The following BCORL1 variants were observed in gnomAD, a reference collection of about 807,000 sequenced individuals.
BCORL1 encodes BCL-6 corepressor-like protein 1.
BCORL1 carries 7 observed loss-of-function variants against 87.6 expected under a neutral mutation model. The observed-to-expected ratio is 0.08, with a 90% CI of 0.05 to 0.15. The LOEUF is 0.15. Ranked by LOEUF, BCORL1 falls within the 10% of genes least tolerant of loss-of-function variation. BCORL1 has a pLI of 1.00. For synonymous variants in BCORL1, 591 were observed against 634.4 expected (o/e 0.93, Z 1.03); for missense variants, 1,215 against 1,499.7 (o/e 0.81, Z 3.13).
intron 11 of BCORL1, among the ~76,000 whole-genome samples, chrX:130,043,746 TTATATATATATA>T (rs55637661): frequency 1.7e-4 from 3 of 17,481 alleles, no homozygotes; most frequent in East Asian, 2.1e-3. Context: ...AGCTAATTTG[TTATATATATATA>T]TATATATATA....
chrX:129,989,444 CTTTTTT>C (rs55654985), intron 1 of BCORL1, among the ~76,000 whole-genome samples: 2 of 17,774 alleles, frequency 1.1e-4, no homozygotes, highest in East Asian at 1.5e-3. Flanking sequence ...CCGCACCCGT[CTTTTTT>C]TTTTTTTTTT....
Position 130,014,269 on chromosome X carries a change from C to T in BCORL1, c.1497C>T (p.Leu499=). The change falls in exon 4 of 14, where the codon CTC becomes CTT. Residue 499 remains leucine, a synonymous_variant. Coordinates refer to ENST00000540052, the MANE Select transcript of BCORL1 (RefSeq NM_001379451.1). ...CAGGCGTGCTAGCCTCCCCCGAGCT[C>T]CGTTCTTACCCGTATGCATTTTCTG... ...CLPGVLASPE[L]RSYPYAFSVA... is the part of the protein sequence containing the mutation. 1 of 1,211,115 alleles carries T rather than the reference C, an allele frequency of 8.3e-7. No homozygotes were observed. Among genetic ancestry groups the T allele is most frequent in the Non-Finnish European group, 1.1e-6 (1 of 895,415 alleles).
chrX:130,029,775 T>C, intron 8 of BCORL1, among the ~76,000 whole-genome samples: 1 of 109,263 alleles, frequency 9.2e-6, no homozygotes, highest in South Asian at 4.0e-4. Context: ...CTCAGCCTTG[T>C]GAGTAACTGG....
At chrX:130,018,346 G>C (rs981489599) in intron 4 of BCORL1, among the ~76,000 whole-genome samples, 3 of 111,709 alleles carry the variant, frequency 2.7e-5, no homozygotes, top group Non-Finnish European at 5.6e-5. Context: ...TGTTTAATGG[G>C]TATTGGGTTT....
chrX:130,048,087 A>G (rs1352434273), intron 11 of BCORL1, among the ~76,000 whole-genome samples: 2 of 112,219 alleles, frequency 1.8e-5, no homozygotes, highest in African/African-American at 6.5e-5. Flanking sequence ...TTGCTCAGCC[A>G]TGACTCTGAA....
intron 11 of BCORL1, among the ~76,000 whole-genome samples, chrX:130,044,196 G>A (rs901420507): frequency 1.8e-5 from 2 of 110,429 alleles, no homozygotes; most frequent in Non-Finnish European, 3.8e-5. Context: ...GAGCCACCGC[G>A]CCCAGCCTGA....
chrX:130,050,940 A>G, intron 12 of BCORL1, 146 bp downstream of exon 12: 1 of 502,320 alleles, frequency 2.0e-6, no homozygotes, highest in Non-Finnish European at 3.4e-6. Context: ...CAGACTCAGA[A>G]GTCATTTGTC....
intron 13 of BCORL1, among the ~76,000 whole-genome samples, chrX:130,052,296 T>C (rs1434757692): frequency 8.9e-6 from 1 of 112,656 alleles, no homozygotes; most frequent in Non-Finnish European, 1.9e-5. Context: ...GAGAGATACT[T>C]GGGCCTATGA....
At chrX:129,995,885 G>A (rs924448448) in intron 1 of BCORL1, among the ~76,000 whole-genome samples, 1 of 112,049 alleles carries the variant, frequency 8.9e-6, no homozygotes, top group Non-Finnish European at 1.9e-5. Flanking sequence ...GGCAAGCTCT[G>A]TAGTAGGAGT....
chrX:129,986,073 AC>A (rs1387786550), intron 1 of BCORL1, among the ~76,000 whole-genome samples: 1 of 109,860 alleles, frequency 9.1e-6, no homozygotes, highest in Non-Finnish European at 1.9e-5. Flanking sequence ...CTGGTCTTGA[AC>A]TCCTGACCTC....
chrX:130,043,776 ATATATATATTTTTTT>A (rs1931535703), intron 11 of BCORL1, among the ~76,000 whole-genome samples: 1 of 21,432 alleles, frequency 4.7e-5, no homozygotes, highest in African/African-American at 3.6e-4. Flanking sequence ...ATATATATAT[ATATATATATTTTTTT>A]TTTTTTTTTT....
intron 1 of BCORL1, among the ~76,000 whole-genome samples, chrX:129,995,500 G>A (rs1359617452): frequency 9.0e-6 from 1 of 110,812 alleles, no homozygotes; most frequent in African/African-American, 3.3e-5. Context: ...GAGTGTAGTG[G>A]CCTCATCTTG....
chrX:130,013,983 C>G lies in BCORL1; in HGVS notation c.1211C>G (p.Ala404Gly), dbSNP rs2124443763. 2 of 1,209,142 alleles carry G rather than the reference C, an allele frequency of 1.7e-6. No homozygotes were observed. Among genetic ancestry groups the G allele is most frequent in the Non-Finnish European group, 2.2e-6 (2 of 893,974 alleles). ...PTPMPAATPA[A>G]IPTSAPIPAS... is the part of the protein sequence containing the mutation. ...CCCATGCCTGCTGCCACGCCAGCTGCCATTCCCACCTCTGCACCCATCCCG... is the reference window on the plus strand; with the variant it reads ...CCCATGCCTGCTGCCACGCCAGCTGGCATTCCCACCTCTGCACCCATCCCG... Residue 404 changes from alanine to glycine, a missense_variant, in exon 4 of 14, where the codon GCC (alanine) becomes GGC (glycine). Ala to Gly is a moderately conservative substitution (Grantham distance 60). This residue lies in a region of BCORL1 where 861 missense variants were observed against 1,010.0 expected (regional missense o/e 0.85). Coordinates refer to ENST00000540052, the MANE Select transcript of BCORL1 (RefSeq NM_001379451.1).
intron 1 of BCORL1, among the ~76,000 whole-genome samples, chrX:130,002,143 G>A (rs181466976): frequency 1.1e-4 from 12 of 109,971 alleles, no homozygotes; most frequent in Non-Finnish European, 2.3e-4. Context: ...AAGTAAGCTA[G>A]GAAACACGCT....
rs764826655 is a variant in BCORL1, at chrX:130,056,049, C to T, written c.5271C>T (p.Ser1757=). The T allele has an allele frequency of 2.9e-5, 35 of 1,210,238 alleles. No individual in the cohort carries two copies. In the East Asian group the frequency reaches 5.9e-4, roughly 20 times the overall value. Residue 1757 remains serine (S), a synonymous_variant, in exon 14 of 14, where the codon TCC becomes TCT. Coordinates refer to ENST00000540052, the MANE Select transcript of BCORL1 (RefSeq NM_001379451.1). ...GGLDDRSPPG[S]SETVELVRYE... ...TGGACGACAGATCCCCCCCAGGCTC[C>T]TCTGAGACTGTGGAGCTGGTGCGGT...
intron 8 of BCORL1, among the ~76,000 whole-genome samples, chrX:130,029,710 G>T (rs926557055): frequency 5.6e-5 from 6 of 107,825 alleles, no homozygotes; most frequent in Non-Finnish European, 1.1e-4. Flanking sequence ...GAGTGCAGTG[G>T]CACGATCTCG....
At chrX:130,000,313 C>T (rs1213362144) in intron 1 of BCORL1, among the ~76,000 whole-genome samples, 2 of 112,333 alleles carry the variant, frequency 1.8e-5, no homozygotes, top group South Asian at 3.6e-4. Context: ...TCTGGGATTA[C>T]AGGTGTGAGC....
intron 1 of BCORL1, among the ~76,000 whole-genome samples, chrX:130,000,532 C>G (rs1927963302): frequency 8.9e-6 from 1 of 112,053 alleles, no homozygotes; most frequent in Admixed American, 9.5e-5. Context: ...CGTACAGATA[C>G]AAAAATGAAC....
At chrX:129,980,619 G>A (rs1926033355), upstream of BCORL1, among the ~76,000 whole-genome samples, 1 of 112,003 alleles carries the variant, frequency 8.9e-6, no homozygotes, top group Admixed American at 9.3e-5. Flanking sequence ...CGCAGGCAGC[G>A]GGCCAGGCCA....
Sources: gnomAD v4.1 joint callset for allele counts (sites outside exome capture counted in the v4.1 genomes callset) on GRCh38, gnomAD v4.1.1 for gene constraint, gnomAD v4.1.1 regional missense constraint, MANE v1.5 for transcripts, NCBI Gene and HGNC (gene_info 2026-07-23, HGNC 2026-07-21) for gene names.